Variants in PRDM10 observed in about 807,000 individuals in gnomAD.
PRDM10 encodes the protein PR/SET domain 10.
A neutral mutation model predicts 133.1 loss-of-function variants in PRDM10; 65 were observed. The ratio of observed to expected loss-of-function variants is 0.49; its 90% confidence interval spans 0.40 to 0.60. PRDM10 has a LOEUF of 0.60. Ranked by LOEUF, PRDM10 falls within the 20% of genes least tolerant of loss-of-function variation. PRDM10 has a pLI of 0.00. For missense variants in PRDM10, 1,137 were observed against 1,507.1 expected, an observed-to-expected ratio of 0.75 and a Z score of 4.07; for synonymous variants, 582 against 580.4, an observed-to-expected ratio of 1.00 and a Z score of -0.04.
intron 1 of PRDM10, among the ~76,000 whole-genome samples, chr11:129,994,590 CAGTG>C (rs1329156012): frequency 1.3e-5 from 2 of 151,854 alleles, no homozygotes; most frequent in African/African-American, 2.4e-5. Flanking sequence ...CTTGGCAACA[CAGTG>C]AGACACTGTC....
At chr11:129,937,707 A>T in intron 7 of PRDM10, 37 bp from the exon 8 acceptor site, 4 of 1,560,688 alleles carry the variant, frequency 2.6e-6, no homozygotes, top group Non-Finnish European at 1.8e-6. Flanking sequence ...AACTGGGGAC[A>T]TCACCAGATG....
rs1007869248 is a variant in PRDM10, at chr11:129,978,890, C to G, written c.-118-17808G>C. ...TACCAAAAAACAAAGACCGATCCTC[C>G]CATCCCATTTGAGAGTTTGTTAGCG... On this transcript the variant is annotated intron_variant, in intron 1 of 20. Transcript: ENST00000360871. Among the ~76,000 whole-genome samples the G allele has an allele frequency of 7.9e-5, 12 of 152,244 alleles. No homozygotes were observed. The East Asian group carries it at 2.3e-3, about 29-fold the overall frequency.
At chr11:129,914,621 AG>A in intron 17 of PRDM10, 82 bp downstream of exon 17, 2 of 1,564,170 alleles carry the variant, frequency 1.3e-6, no homozygotes, top group Non-Finnish European at 1.8e-6. Context: ...GACATTACAT[AG>A]ATCCCAGCCC....
rs767335153 is a variant in PRDM10, at chr11:129,918,574, G to A, written c.2179C>T (p.Leu727=). The A allele has an allele frequency of 1.2e-6, 2 of 1,614,182 alleles. No individual in the cohort carries two copies. The highest frequency in any genetic ancestry group is 1.7e-6 in the Non-Finnish European group (2 of 1,180,020). Residue 727 remains leucine, a synonymous_variant, in exon 14 of 21, where the codon CTG becomes TTG. Coordinates refer to ENST00000360871, the MANE Select transcript of PRDM10 (RefSeq NM_199437.2). The surrounding 1 kb of genome is among the most constrained non-coding windows in gnomAD (Gnocchi z 5.3). ...DYDSFTFKCR[L]CMMGFRRRGM... is the part of the protein sequence containing the mutation. ...CGCCGCCGGAAGCCCATCATGCACA[G>A]GCGGCACTTGAACGTGAAGCTGTCG... is the stretch of plus-strand genomic sequence containing the variant.
chr11:130,001,017 G>C (rs1245598732), intron 1 of PRDM10, among the ~76,000 whole-genome samples: 1 of 152,148 alleles, frequency 6.6e-6, no homozygotes, highest in Non-Finnish European at 1.5e-5. Flanking sequence ...TGAAGCAGGA[G>C]GATCCCTTGA....
At chr11:130,002,347 C>A (rs1357298323) in intron 1 of PRDM10, among the ~76,000 whole-genome samples, 1 of 152,004 alleles carries the variant, frequency 6.6e-6, no homozygotes, top group Non-Finnish European at 1.5e-5. Context: ...AGGCTGCGCG[C>A]GGCGAAGGCA....
At chr11:129,944,448 G>A (rs557629987) in intron 6 of PRDM10, among the ~76,000 whole-genome samples, 111 of 152,226 alleles carry the variant, frequency 7.3e-4, no homozygotes, top group Non-Finnish European at 7.6e-4. Context: ...AGCCGGGCGT[G>A]GTGGCGGGCG....
rs111674243 is a variant in PRDM10, at chr11:129,910,654, T to C, written c.2985A>G (p.Val995=). The change falls in exon 19 of 21, where the codon GTA becomes GTG. Residue 995 remains valine, a splice_region_variant and synonymous_variant. Transcript: ENST00000360871. ...PTASAPSSAQ[V]SGQPLSPSAQ... Reference sequence around the variant, plus strand: ...CTGAGGGACTCAACGGCTGCCCAGATACCTGGGGAGAAAGAGAAAGCAATG... The same window carrying C: ...CTGAGGGACTCAACGGCTGCCCAGACACCTGGGGAGAAAGAGAAAGCAATG... The C allele has an allele frequency of 1.0e-5, 16 of 1,559,858 alleles. No individual in the cohort carries two copies. In the African/African-American group the frequency reaches 1.6e-4, roughly 16 times the overall value.
intron 2 of PRDM10, among the ~76,000 whole-genome samples, chr11:129,959,933 T>TC (rs1011066352): frequency 6.6e-6 from 1 of 151,582 alleles, no homozygotes; most frequent in Non-Finnish European, 1.5e-5. Context: ...TTCTTTTTTT[T>TC]TTTTTTTGGT....
Position 129,900,264 on chromosome 11 carries a change from C to T in PRDM10, c.*2049G>A, listed in dbSNP as rs1565438641. On this transcript the variant is annotated 3_prime_UTR_variant, in exon 21 of 21. Coordinates refer to ENST00000360871, the MANE Select transcript of PRDM10 (RefSeq NM_199437.2). ...CAGAATACCTGATCTGAAAGCCATG[C>T]GATTTGGCTCGACTGCCATCCGCAT... 6.6e-6 allele frequency: 1 copy of T among 152,154 alleles called. No individual in the cohort carries two copies. Among genetic ancestry groups the T allele is most frequent in the Admixed American group, 6.5e-5 (1 of 15,268 alleles). The allele number at this position is 152,154 out of a possible 1,614,324, so 9.4% of individuals were successfully genotyped here.
At chr11:129,934,995 C>G in intron 9 of PRDM10, 106 bp downstream of exon 9, 1 of 896,076 alleles carries the variant, frequency 1.1e-6, no homozygotes, top group Admixed American at 1.9e-5. Flanking sequence ...ACCTGGTTAC[C>G]TATCTATACA....
At chr11:129,959,570 G>A (rs1951757462) in intron 2 of PRDM10, among the ~76,000 whole-genome samples, 1 of 152,154 alleles carries the variant, frequency 6.6e-6, no homozygotes, top group South Asian at 2.1e-4. Flanking sequence ...GTTACCCACA[G>A]ACAGGGCCCT....
At chr11:129,996,499 C>G (rs1053800764) in intron 1 of PRDM10, among the ~76,000 whole-genome samples, 1 of 152,212 alleles carries the variant, frequency 6.6e-6, no homozygotes, top group East Asian at 1.9e-4. Context: ...CACAGCCACG[C>G]TCTCACACTC....
At chr11:129,967,820 C>T (rs989841771) in intron 1 of PRDM10, among the ~76,000 whole-genome samples, 1 of 152,118 alleles carries the variant, frequency 6.6e-6, no homozygotes, top group African/African-American at 2.4e-5. Flanking sequence ...GCTGGGCAGG[C>T]GCCAGACAAT....
intron 7 of PRDM10, 116 bp from the exon 8 acceptor site, chr11:129,937,786 C>T: frequency 1.2e-6 from 1 of 844,230 alleles, no homozygotes; most frequent in African/African-American, 1.8e-5. Flanking sequence ...AGCCCATTAA[C>T]AATGGAAAAA....
intron 1 of PRDM10, among the ~76,000 whole-genome samples, chr11:129,966,042 G>C (rs554577633): frequency 2.0e-5 from 3 of 152,038 alleles, no homozygotes; most frequent in Admixed American, 6.5e-5. Context: ...TCAGGAGTTC[G>C]AGACCAGCCT....
intron 17 of PRDM10, among the ~76,000 whole-genome samples, chr11:129,912,710 C>T (rs1015286285): frequency 2.7e-5 from 4 of 150,018 alleles, no homozygotes; most frequent in Admixed American, 2.0e-4. Flanking sequence ...TGGGATTGCA[C>T]CACTGCACTC....
intron 1 of PRDM10, among the ~76,000 whole-genome samples, chr11:129,975,094 G>T (rs1937679827): frequency 6.6e-6 from 1 of 152,168 alleles, no homozygotes; most frequent in Non-Finnish European, 1.5e-5. Flanking sequence ...GGGTGATGGT[G>T]ATGGGTGCAC....
In PRDM10 at chr11:129,947,115, T is replaced by C. The variant is rs757179487; in HGVS notation, c.520+30A>G. On this transcript the variant is annotated intron_variant, in intron 5 of 20. Transcript: ENST00000360871. The surrounding 1 kb of genome is among the most constrained non-coding windows in gnomAD (Gnocchi z 4.6). ...ACAGACACACAAGATGGACACAGCT[T>C]CCCTGGGGGAGACCCGTGCCCACAC... 2.5e-6 allele frequency: 4 copies of C among 1,609,614 alleles called. No homozygotes were observed. The Admixed American group carries it at 6.7e-5, about 27-fold the overall frequency.
Sources: gnomAD v4.1 joint callset for allele counts (sites outside exome capture counted in the v4.1 genomes callset) on GRCh38, gnomAD v4.1.1 for gene constraint, Gnocchi (gnomAD v3.1) non-coding constraint, MANE v1.5 for transcripts, NCBI Gene and HGNC (gene_info 2026-07-23, HGNC 2026-07-21) for gene names.